Variants in NPAS3 observed in about 807,000 individuals in gnomAD.
The protein encoded by NPAS3 is neuronal PAS domain protein 3.
NPAS3 carries 14 observed loss-of-function variants against 73.1 expected under a neutral mutation model. The ratio of observed to expected loss-of-function variants is 0.19; its 90% CI spans 0.13 to 0.30. NPAS3 has a LOEUF of 0.30. Ranked by LOEUF, NPAS3 falls within the 10% of genes least tolerant of loss-of-function variation. NPAS3 has a pLI of 1.00. For missense variants in NPAS3, 1,096 were observed against 1,250.0 expected, an observed-to-expected ratio of 0.88 and a Z score of 1.86; for synonymous variants, 620 against 541.5, an observed-to-expected ratio of 1.14 and a Z score of -2.01.
intron 6 of NPAS3, among the ~76,000 whole-genome samples, chr14:33,734,521 A>G (rs1286026454): frequency 6.6e-6 from 1 of 152,178 alleles, no homozygotes; most frequent in African/African-American, 2.4e-5. Flanking sequence ...TATCAGAAGC[A>G]GAGAGGTGGA....
At chr14:33,650,647 G>C (rs78725801) in intron 5 of NPAS3, among the ~76,000 whole-genome samples, 278 of 152,280 alleles carry the variant, frequency 1.8e-3, no homozygotes, top group African/African-American at 6.5e-3. Flanking sequence ...CCTGCACTTA[G>C]GCTGCAGAAT....
chr14:33,486,452 C>T (rs1405886666), intron 4 of NPAS3, among the ~76,000 whole-genome samples: 1 of 152,142 alleles, frequency 6.6e-6, no homozygotes, highest in Non-Finnish European at 1.5e-5. Context: ...ACTCAAATCA[C>T]TTATCTTACC....
At chr14:33,668,155 T>TACAA (rs1567108226) in intron 5 of NPAS3, among the ~76,000 whole-genome samples, 1 of 152,214 alleles carries the variant, frequency 6.6e-6, no homozygotes, top group African/African-American at 2.4e-5. Context: ...TCTTGAGGTC[T>TACAA]ACAAACAAAT....
At chr14:33,125,842 TTAGA>T (rs879609890) in intron 2 of NPAS3, among the ~76,000 whole-genome samples, 4 of 152,218 alleles carry the variant, frequency 2.6e-5, no homozygotes, top group Non-Finnish European at 4.4e-5. Flanking sequence ...TAGTAATGTT[TTAGA>T]TAGACTAGTT....
chr14:32,981,657 T>G (rs184040473), intron 1 of NPAS3, among the ~76,000 whole-genome samples: 1 of 152,328 alleles, frequency 6.6e-6, no homozygotes, highest in Admixed American at 6.5e-5. Flanking sequence ...TGAGTCTTTT[T>G]GTCAAGCCGA....
At chr14:33,477,532 T>C (rs2051098665) in intron 4 of NPAS3, among the ~76,000 whole-genome samples, 2 of 152,050 alleles carry the variant, frequency 1.3e-5, no homozygotes, top group African/African-American at 4.8e-5. Context: ...CATGCACTCA[T>C]AGCACACATA....
chr14:33,203,649 A>G (rs1464368825), intron 2 of NPAS3, among the ~76,000 whole-genome samples: 1 of 152,164 alleles, frequency 6.6e-6, no homozygotes, highest in Non-Finnish European at 1.5e-5. Flanking sequence ...AAAGGACATG[A>G]ACTCATCATT....
chr14:33,145,461 C>A (rs936284234), intron 2 of NPAS3, among the ~76,000 whole-genome samples: 1 of 152,084 alleles, frequency 6.6e-6, no homozygotes, highest in African/African-American at 2.4e-5. Context: ...TTCTATAGTG[C>A]TTCTTCAGTT....
rs6571579 is a variant in NPAS3 at position 33,080,689 on chromosome 14, A to G, written c.140+24695A>G. On this transcript the variant is annotated intron_variant, in intron 2 of 11. Transcript: ENST00000356141. The stretch of plus-strand genomic sequence containing the variant: ...AGAAAGTTTGAGGCAAAACCTGGGC[A>G]TCGCCTGGTTACATTCTAACATGAT... 8.0e-3 allele frequency among the ~76,000 whole-genome samples: 1,223 copies of G among 152,344 alleles called. 16 individuals are homozygous for G. The highest frequency in any genetic ancestry group is 0.028 in the African/African-American group (1,181 of 41,568).
intron 4 of NPAS3, among the ~76,000 whole-genome samples, chr14:33,559,420 A>T (rs1311155498): frequency 6.6e-6 from 1 of 152,214 alleles, no homozygotes; most frequent in Admixed American, 6.5e-5. Flanking sequence ...TGCTCTTGAT[A>T]TAGGAAGCCT....
intron 1 of NPAS3, among the ~76,000 whole-genome samples, chr14:33,018,225 G>A (rs182433487): frequency 3.0e-4 from 45 of 152,330 alleles, no homozygotes; most frequent in Admixed American, 1.5e-3. Flanking sequence ...AAGGAAGCAC[G>A]AATGCTGTCT....
intron 2 of NPAS3, among the ~76,000 whole-genome samples, chr14:33,097,048 T>A (rs1477486167): frequency 7.0e-6 from 1 of 142,578 alleles, no homozygotes; most frequent in East Asian, 2.0e-4. Flanking sequence ...GACATTCTTG[T>A]TGCCACTCTT....
chr14:33,364,864 G>A (rs1256442265), intron 3 of NPAS3, among the ~76,000 whole-genome samples: 1 of 151,834 alleles, frequency 6.6e-6, no homozygotes, highest in Non-Finnish European at 1.5e-5. Flanking sequence ...TTGCATCTTG[G>A]GCCTCCTAAG....
At chr14:33,684,586 C>T (rs2060035334) in intron 6 of NPAS3, among the ~76,000 whole-genome samples, 1 of 152,198 alleles carries the variant, frequency 6.6e-6, no homozygotes, top group South Asian at 2.1e-4. Context: ...GCATAAGCCG[C>T]CACACCCAGC....
intron 5 of NPAS3, among the ~76,000 whole-genome samples, chr14:33,671,206 T>C (rs528204875): frequency 5.1e-4 from 78 of 152,306 alleles, no homozygotes; most frequent in African/African-American, 1.8e-3. Flanking sequence ...GTTGCACTGT[T>C]AGTACATCAC....
intron 2 of NPAS3, among the ~76,000 whole-genome samples, chr14:33,174,753 G>A (rs11626817): frequency 0.17 from 26,268 of 152,136 alleles, 2,519 homozygotes; most frequent in East Asian, 0.28. Flanking sequence ...AAAGAGAATA[G>A]GAGCAAGGAA....
intron 4 of NPAS3, among the ~76,000 whole-genome samples, chr14:33,376,480 G>C (rs10149441): frequency 0.035 from 5,265 of 152,190 alleles, 336 homozygotes; most frequent in African/African-American, 0.12. Context: ...ACTAATGCCA[G>C]TATATTCAGA....
chr14:33,699,974 A>C lies in NPAS3; in HGVS notation c.733+23589A>C, dbSNP rs1288436265. On this transcript the variant is annotated intron_variant, in intron 6 of 11. Transcript: ENST00000356141. ...ATAAAATACCCTATCCAAGTGGAGA[A>C]GGGATATGCTTACTGTAAATCATGG... is the stretch of plus-strand genomic sequence containing the variant. Among the ~76,000 whole-genome samples, 4 of 152,200 alleles carry C rather than the reference A, an allele frequency of 2.6e-5. No homozygotes were observed. In the East Asian group the frequency reaches 7.7e-4, roughly 29 times the overall value.
intron 5 of NPAS3, among the ~76,000 whole-genome samples, chr14:33,649,550 G>A (rs546121488): frequency 6.6e-6 from 1 of 152,174 alleles, no homozygotes; most frequent in Non-Finnish European, 1.5e-5. Context: ...ATCATAGATT[G>A]TTTTATATAC....
Sources: gnomAD v4.1 joint callset for allele counts (sites outside exome capture counted in the v4.1 genomes callset) on GRCh38, gnomAD v4.1.1 for gene constraint, MANE v1.5 for transcripts, NCBI Gene and HGNC (gene_info 2026-07-23, HGNC 2026-07-21) for gene names.